TCEA1: variants seen among roughly 807,000 people sequenced by gnomAD.
The protein encoded by TCEA1 is transcription elongation factor A protein 1.
TCEA1 carries 21 observed loss-of-function variants against 43.8 expected under a neutral mutation model. The observed-to-expected ratio is 0.48, with a 90% CI of 0.34 to 0.69. The LOEUF (loss-of-function observed/expected upper bound fraction) is 0.69. Among genes scored for constraint, TCEA1 ranks in the 30% least tolerant of loss-of-function variants. The pLI is 0.01. For synonymous variants in TCEA1, 104 were observed against 117.5 expected (o/e 0.88, Z 0.75); for missense variants, 250 against 365.1 (o/e 0.68, Z 2.57).
At chr8:53,993,557 G>C (rs1244811676) in intron 4 of TCEA1, 111 bp downstream of exon 4, 4 of 799,040 alleles carry the variant, frequency 5.0e-6, no homozygotes, top group Non-Finnish European at 8.0e-6. Flanking sequence ...ACTTCCATTT[G>C]ATTAGAAAAC....
intron 1 of TCEA1, chr8:54,021,813 G>C (rs1421396861): frequency 5.5e-6 from 2 of 363,896 alleles, no homozygotes; most frequent in Non-Finnish European, 9.7e-6. Flanking sequence ...TCCCTAAATC[G>C]ATTAGGTTTA....
Position 53,999,932 on chromosome 8 carries a change from A to C in TCEA1, c.232+13T>G. The C allele has an allele frequency of 6.9e-7, 1 of 1,452,100 alleles. No homozygotes were observed. Among genetic ancestry groups the C allele is most frequent in the Non-Finnish European group, 9.6e-7 (1 of 1,043,480 alleles). The allele number at this position is 1,452,100 out of a possible 1,614,324, so 90.0% of individuals were successfully genotyped here. A position where few individuals can be genotyped will look rare whatever the true frequency, so the allele number is the denominator to read the frequency against. ...CAACATCATAAATATATGTAAGGGAAGATCAATGATACCTAATAATTTTTT... is the reference window on the plus strand; with the variant it reads ...CAACATCATAAATATATGTAAGGGACGATCAATGATACCTAATAATTTTTT... On this transcript the variant is annotated intron_variant, in intron 3 of 9. Coordinates refer to ENST00000521604, the MANE Select transcript of TCEA1 (RefSeq NM_006756.4).
rs1360106250 is a variant in TCEA1, at chr8:53,979,145, C to T, written c.705G>A (p.Glu235=). The change falls in exon 8 of 10, where the codon GAG becomes GAA. Residue 235 remains glutamate (E), a synonymous_variant. Transcript: ENST00000521604. ...AEEMASDELK[E]MRKNLTKEAI... Reference sequence around the variant, plus strand: ...CTTCTTTGGTCAAGTTTTTCCGCATCTCTTTCAGCTCATCACTAGCCATTT... The same window carrying T: ...CTTCTTTGGTCAAGTTTTTCCGCATTTCTTTCAGCTCATCACTAGCCATTT... The T allele has an allele frequency of 5.6e-6, 9 of 1,613,856 alleles. No individual in the cohort carries two copies. Among genetic ancestry groups the T allele is most frequent in the Non-Finnish European group, 7.6e-6 (9 of 1,179,790 alleles).
At chr8:53,987,052 A>G (rs1298617150) in intron 5 of TCEA1, 27 bp from the exon 6 acceptor site, 4 of 1,558,222 alleles carry the variant, frequency 2.6e-6, no homozygotes, top group Non-Finnish European at 2.6e-6. Flanking sequence ...AGAATTGTCA[A>G]ATTATTGTAA....
At chr8:53,990,288 C>G (rs995367351) in intron 4 of TCEA1, among the ~76,000 whole-genome samples, 1 of 151,516 alleles carries the variant, frequency 6.6e-6, no homozygotes, top group Non-Finnish European at 1.5e-5. Flanking sequence ...CTCCTGACCT[C>G]AAGTGATAAT....
chr8:53,997,848 C>T (rs1206071276), intron 3 of TCEA1, among the ~76,000 whole-genome samples: 1 of 152,106 alleles, frequency 6.6e-6, no homozygotes, highest in Non-Finnish European at 1.5e-5. Context: ...GCCTAGGCAA[C>T]ATAGCAAGAC....
intron 2 of TCEA1, among the ~76,000 whole-genome samples, chr8:54,006,456 G>C (rs899016653): frequency 1.3e-5 from 2 of 152,052 alleles, no homozygotes; most frequent in Admixed American, 1.3e-4. Context: ...TCCAGCCTGG[G>C]CAACAAGAGT....
chr8:53,968,059 A>C lies in TCEA1; in HGVS notation c.*45T>G. ...TGGCCTAGTTTAAAGCTAGTTACAA[A>C]ATCCGTTTTCTTAATGGTCCAGATA... On this transcript the variant is annotated 3_prime_UTR_variant, in exon 10 of 10. Coordinates refer to ENST00000521604, the MANE Select transcript of TCEA1 (RefSeq NM_006756.4). 6.6e-7 allele frequency: 1 copy of C among 1,519,250 alleles called. No individual in the cohort carries two copies. Among genetic ancestry groups the C allele is most frequent in the Non-Finnish European group, 8.9e-7 (1 of 1,124,368 alleles). The allele number at this position is 1,519,250 out of a possible 1,614,324, so 94.1% of individuals were successfully genotyped here.
intron 9 of TCEA1, 84 bp downstream of exon 9, chr8:53,970,308 A>G (rs1273836717): frequency 4.5e-6 from 4 of 895,374 alleles, no homozygotes; most frequent in Non-Finnish European, 5.7e-6. Flanking sequence ...ATATATTTAG[A>G]TATCTAGGCA....
intron 7 of TCEA1, among the ~76,000 whole-genome samples, chr8:53,981,937 T>C (rs1404617805): frequency 6.7e-6 from 1 of 150,174 alleles, no homozygotes; most frequent in Non-Finnish European, 1.5e-5. Context: ...CTTTTTTTTT[T>C]TTTTTTTTGT....
chr8:53,988,444 T>C (rs527918855), intron 4 of TCEA1, among the ~76,000 whole-genome samples, 185 bp from the exon 5 acceptor site: 19 of 152,344 alleles, frequency 1.2e-4, no homozygotes, highest in Admixed American at 4.6e-4. Context: ...AATTTTACAA[T>C]TTAGTAAAGT....
At chr8:54,003,370 T>A (rs183565100) in intron 2 of TCEA1, among the ~76,000 whole-genome samples, 1 of 152,100 alleles carries the variant, frequency 6.6e-6, no homozygotes, top group Non-Finnish European at 1.5e-5. Flanking sequence ...AAGCGTACCC[T>A]AAAGTCCATA....
At chr8:53,988,396 A>C (rs1188200240) in intron 4 of TCEA1, 137 bp from the exon 5 acceptor site, 3 of 1,038,320 alleles carry the variant, frequency 2.9e-6, no homozygotes, top group Non-Finnish European at 2.6e-6. Flanking sequence ...ATGTGATGGA[A>C]AAAAAATTGC....
intron 8 of TCEA1, among the ~76,000 whole-genome samples, chr8:53,974,851 T>G (rs1765214290): frequency 6.6e-6 from 1 of 152,090 alleles, no homozygotes; most frequent in African/African-American, 2.4e-5. Context: ...TTTAAAAGGC[T>G]GTTTACAATT....
chr8:53,974,523 TAGTGGG>T (rs1421517547), intron 8 of TCEA1, among the ~76,000 whole-genome samples: 4 of 14,398 alleles, frequency 2.8e-4, no homozygotes, highest in Non-Finnish European at 5.5e-4. Flanking sequence ...TTTTGGGGGG[TAGTGGG>T]GGTGGGGGTG....
intron 7 of TCEA1, among the ~76,000 whole-genome samples, chr8:53,983,532 GT>G (rs1803583880): frequency 6.6e-6 from 1 of 152,230 alleles, no homozygotes; most frequent in Non-Finnish European, 1.5e-5. Context: ...GCTCACGCCT[GT>G]GATCCCAGCA....
At chr8:53,984,597 C>T (rs938425177) in intron 6 of TCEA1, 80 bp from the exon 7 acceptor site, 2 of 1,317,752 alleles carry the variant, frequency 1.5e-6, no homozygotes, top group South Asian at 1.6e-5. Flanking sequence ...AATAAGAATT[C>T]CTGAGGCCAG....
chr8:53,972,071 C>A, intron 8 of TCEA1: 1 of 243,994 alleles, frequency 4.1e-6, no homozygotes, highest in South Asian at 5.8e-5. Context: ...TGAAATCTCC[C>A]AAGATCAAGT....
Position 53,972,784 on chromosome 8 carries a change from C to G in TCEA1, c.826-2321G>C, listed in dbSNP as rs1485180583. 7 of 718,086 alleles carry G rather than the reference C, an allele frequency of 9.7e-6. No homozygotes were observed. The Admixed American group carries it at 1.1e-4, about 11-fold the overall frequency. 44.5% of individuals were successfully genotyped at this position (718,086 alleles called of 1,614,324 possible). A position where few individuals can be genotyped will look rare whatever the true frequency, so the allele number is the denominator to read the frequency against. Reference sequence around the variant, plus strand: ...TATTATGCAGTAGTAGACTGTGATTCTCCTGAAACAGCCAGTAAAATTTAT... The same window carrying G: ...TATTATGCAGTAGTAGACTGTGATTGTCCTGAAACAGCCAGTAAAATTTAT... On this transcript the variant is annotated intron_variant, in intron 8 of 9. Coordinates refer to ENST00000521604, the MANE Select transcript of TCEA1 (RefSeq NM_006756.4).
Sources: allele counts gnomAD v4.1 joint callset (sites outside exome capture counted in the v4.1 genomes callset), GRCh38; gene constraint gnomAD v4.1.1; transcripts MANE v1.5; gene names NCBI Gene and HGNC (gene_info 2026-07-23, HGNC 2026-07-21).